B3GAT2: variants seen among roughly 807,000 people sequenced by gnomAD.
B3GAT2 encodes the protein galactosylgalactosylxylosylprotein 3-beta-glucuronosyltransferase 2.
Under a neutral mutation model 27.8 loss-of-function variants are expected in B3GAT2, and 26 were observed. The ratio of observed to expected loss-of-function variants is 0.93; its 90% CI spans 0.68 to 1.30. The LOEUF (loss-of-function observed/expected upper bound fraction) is 1.30, where lower values mean the gene tolerates loss of function less well. Ranked by LOEUF, B3GAT2 falls within the 50% of genes most tolerant of loss-of-function variation. The pLI is 0.00. For missense variants in B3GAT2, 458 were observed against 459.0 expected (o/e 1.00, Z 0.02); for synonymous variants, 218 against 195.1 (o/e 1.12, Z -0.98).
chr6:70,952,653 G>A (rs1274787222), intron 1 of B3GAT2, among the ~76,000 whole-genome samples: 1 of 152,300 alleles, frequency 6.6e-6, no homozygotes. Flanking sequence ...CAATGCCACA[G>A]GAAGAAGAGG....
chr6:70,869,828 A>G (rs1324301639), intron 2 of B3GAT2, among the ~76,000 whole-genome samples: 10 of 152,222 alleles, frequency 6.6e-5, no homozygotes, highest in African/African-American at 2.4e-4. Flanking sequence ...ATGCAAATCA[A>G]AACCACAATG....
At position 70,856,895 on chromosome 6, in the gene B3GAT2, A is replaced by G. The variant is rs377311394; in HGVS notation, c.*4768T>C. On this transcript the variant is annotated 3_prime_UTR_variant, in exon 4 of 4. Transcript: ENST00000230053. ...TGCACCAGCAGCTGCAACCCTGTCT[A>G]CAGTAACATCTGGGGATCTAGATTT... The G allele has an allele frequency of 1.2e-6, 2 of 1,613,700 alleles. No homozygotes were observed. Among genetic ancestry groups the G allele is most frequent in the East Asian group, 2.2e-5 (1 of 44,872 alleles).
At position 70,935,989 on chromosome 6, in the gene B3GAT2, T is replaced by C. The variant is rs1034883162; in HGVS notation, c.591+19850A>G. ...GATAAAGAGTCAAGACCCATCAGTGTGCTGTATTCAGGAAACCCATCTCAC... is the reference window on the plus strand; with the variant it reads ...GATAAAGAGTCAAGACCCATCAGTGCGCTGTATTCAGGAAACCCATCTCAC... On this transcript the variant is annotated intron_variant, in intron 1 of 3. Transcript: ENST00000230053. Among the ~76,000 whole-genome samples the C allele has an allele frequency of 4.0e-5, 6 of 151,680 alleles. 1 individual carries two copies. The highest frequency in any genetic ancestry group is 2.4e-5 in the African/African-American group (1 of 41,284).
chr6:70,888,053 A>G (rs940899118), intron 2 of B3GAT2, among the ~76,000 whole-genome samples: 2 of 152,156 alleles, frequency 1.3e-5, no homozygotes, highest in African/African-American at 4.8e-5. Flanking sequence ...TGCATTCCTG[A>G]AAGATTCCTC....
chr6:70,884,665 T>C (rs1364897639), intron 2 of B3GAT2, among the ~76,000 whole-genome samples: 1 of 152,180 alleles, frequency 6.6e-6, no homozygotes, highest in Non-Finnish European at 1.5e-5. Flanking sequence ...AAAAAGCGAT[T>C]CCTGCCTCAT....
chr6:70,903,341 C>T (rs1486818427), intron 1 of B3GAT2, among the ~76,000 whole-genome samples: 1 of 151,928 alleles, frequency 6.6e-6, no homozygotes, highest in East Asian at 1.9e-4. Flanking sequence ...ATAATAGGAA[C>T]CTTAAATAAA....
At chr6:70,887,933 G>A (rs1378727806) in intron 2 of B3GAT2, among the ~76,000 whole-genome samples, 2 of 152,204 alleles carry the variant, frequency 1.3e-5, no homozygotes, top group Admixed American at 1.3e-4. Context: ...AAGGTGGGCA[G>A]GGGTGGGCCG....
At chr6:70,950,298 A>T (rs961032815) in intron 1 of B3GAT2, among the ~76,000 whole-genome samples, 5 of 76,712 alleles carry the variant, frequency 6.5e-5, no homozygotes, top group African/African-American at 2.7e-4. Flanking sequence ...CAAAAAAAAA[A>T]AATTTTATTT....
rs68188898 is a variant in B3GAT2, at chr6:70,858,287, CTTTTTTTTTTTTTTTT to C, written c.*3360_*3375del. 60 of 290,740 alleles carry C rather than the reference CTTTTTTTTTTTTTTTT, an allele frequency of 2.1e-4. 1 individual carries two copies. In the East Asian group the frequency reaches 3.9e-3, roughly 19 times the overall value. The allele number at this position is 290,740 out of a possible 1,614,324, so 18.0% of individuals were successfully genotyped here. On this transcript the variant is annotated 3_prime_UTR_variant, in exon 4 of 4. Transcript: ENST00000230053. ...ATCAAACCAGATTTATTTTCTAAAT[CTTTTTTTTTTTTTTTT>C]TTTTTTTTTTTTAAGTCTAGTGATC...
chr6:70,953,551 G>C (rs895259230), intron 1 of B3GAT2, among the ~76,000 whole-genome samples: 2 of 152,148 alleles, frequency 1.3e-5, no homozygotes, highest in Admixed American at 1.3e-4. Flanking sequence ...AAAGGTACTA[G>C]TCATAAAATT....
At chr6:70,905,132 C>T (rs2150036449) in intron 1 of B3GAT2, among the ~76,000 whole-genome samples, 1 of 152,272 alleles carries the variant, frequency 6.6e-6, no homozygotes, top group South Asian at 2.1e-4. Flanking sequence ...ATTTAAATTT[C>T]TATTTTCCCC....
chr6:70,947,287 C>G (rs375802761), intron 1 of B3GAT2, among the ~76,000 whole-genome samples: 1 of 151,724 alleles, frequency 6.6e-6, no homozygotes, highest in Non-Finnish European at 1.5e-5. Context: ...ATTAATGAAT[C>G]CAGGAGCTGG....
At chr6:70,909,176 G>T (rs941716902) in intron 1 of B3GAT2, among the ~76,000 whole-genome samples, 1 of 151,942 alleles carries the variant, frequency 6.6e-6, no homozygotes, top group Non-Finnish European at 1.5e-5. Context: ...ACATGCTAGG[G>T]CTGTTTATTT....
Position 70,956,914 on chromosome 6 carries a change from G to A in B3GAT2, c.-485C>T. The A allele has an allele frequency of 2.9e-6, 3 of 1,019,746 alleles. No homozygotes were observed. The highest frequency in any genetic ancestry group is 1.7e-5 in the African/African-American group (1 of 57,546). The allele number at this position is 1,019,746 out of a possible 1,614,324, so 63.2% of individuals were successfully genotyped here. ...TCGAGGGCGGGCGGCGGCGCTGGGG[G>A]CTTTCCTTCCTCACATTCCCGCCGG... On this transcript the variant is annotated 5_prime_UTR_variant, in exon 1 of 4. Coordinates refer to ENST00000230053, the MANE Select transcript of B3GAT2 (RefSeq NM_080742.3).
chr6:70,864,061 C>CTTT (rs35544177), intron 2 of B3GAT2, among the ~76,000 whole-genome samples: 20 of 129,792 alleles, frequency 1.5e-4, no homozygotes, highest in African/African-American at 4.8e-4. Context: ...AAGCTTTATC[C>CTTT]TTTTTTTTTT....
rs76029627 is a variant in B3GAT2 at position 70,861,992 on chromosome 6, A to G, written c.737-14T>C. The G allele has an allele frequency of 1.9e-6, 1 of 518,422 alleles. No individual in the cohort carries two copies. The highest frequency in any genetic ancestry group is 4.5e-5 in the Admixed American group (1 of 22,292). The allele number at this position is 518,422 out of a possible 1,614,324, so 32.1% of individuals were successfully genotyped here. A position where few individuals can be genotyped will look rare whatever the true frequency, so the allele number is the denominator to read the frequency against. On this transcript the variant is annotated splice_polypyrimidine_tract_variant and intron_variant, in intron 2 of 3. Coordinates refer to ENST00000230053, the MANE Select transcript of B3GAT2 (RefSeq NM_080742.3). ...TTACAGCAAATCCTTTGTGAAAAAT[A>G]AAAAAAAAAAAGAGACTTTAAAATC...
At chr6:70,919,847 C>T (rs1772837529) in intron 1 of B3GAT2, among the ~76,000 whole-genome samples, 1 of 152,204 alleles carries the variant, frequency 6.6e-6, no homozygotes, top group Admixed American at 6.5e-5. Context: ...TCAGGCTACA[C>T]AGGGGTCAGG....
At position 70,900,405 on chromosome 6, in the gene B3GAT2, G is replaced by A. The variant is rs898831543; in HGVS notation, c.592-6133C>T. Among the ~76,000 whole-genome samples the A allele has an allele frequency of 1.9e-4, 24 of 125,898 alleles. No homozygotes were observed. The East Asian group carries it at 3.4e-3, about 18-fold the overall frequency. The allele number at this position is 125,898 out of a possible 152,430, so 82.6% of individuals were successfully genotyped here. A position where few individuals can be genotyped will look rare whatever the true frequency, so the allele number is the denominator to read the frequency against. Reference sequence around the variant, plus strand: ...AGTCTGGTGGCCCTTAACAACAACCGGCTCTTTTTTTTTTTTTTGAGTCAG... The same window carrying A: ...AGTCTGGTGGCCCTTAACAACAACCAGCTCTTTTTTTTTTTTTTGAGTCAG... On this transcript the variant is annotated intron_variant, in intron 1 of 3. Coordinates refer to ENST00000230053, the MANE Select transcript of B3GAT2 (RefSeq NM_080742.3).
chr6:70,897,504 C>T (rs1005184114), intron 1 of B3GAT2, among the ~76,000 whole-genome samples: 5 of 151,672 alleles, frequency 3.3e-5, no homozygotes, highest in African/African-American at 4.8e-5. Flanking sequence ...TTTGGGAGGT[C>T]GAGGTGGGCG....
Sources: allele counts gnomAD v4.1 joint callset (sites outside exome capture counted in the v4.1 genomes callset), GRCh38; gene constraint gnomAD v4.1.1; transcripts MANE v1.5; gene names NCBI Gene and HGNC (gene_info 2026-07-23, HGNC 2026-07-21).